Variants in PDXDC1 observed in about 807,000 individuals in gnomAD.
The protein encoded by PDXDC1 is pyridoxal dependent decarboxylase domain containing 1.
PDXDC1 carries 42 observed loss-of-function variants against 100.1 expected under a neutral mutation model. That is an observed-to-expected ratio of 0.42 (90% CI 0.33 to 0.54). The LOEUF (loss-of-function observed/expected upper bound fraction) is 0.54, where lower values mean the gene tolerates loss of function less well. Ranked by LOEUF, PDXDC1 falls within the 20% of genes least tolerant of loss-of-function variation. PDXDC1 has a pLI of 0.10. For synonymous variants in PDXDC1, 260 were observed against 371.7 expected, an observed-to-expected ratio of 0.70 and a Z score of 3.46; for missense variants, 636 against 979.2, an observed-to-expected ratio of 0.65 and a Z score of 4.68.
intron 16 of PDXDC1, chr16:15,133,015 C>T (rs2048183071): frequency 7.7e-7 from 1 of 1,304,712 alleles, no homozygotes; most frequent in South Asian, 1.3e-5. Context: ...TGAGCTGTTT[C>T]TTCATGGGCA....
intron 16 of PDXDC1, among the ~76,000 whole-genome samples, chr16:15,065,052 G>C (rs534463758): frequency 1.3e-5 from 2 of 152,092 alleles, no homozygotes; most frequent in Non-Finnish European, 2.9e-5. Context: ...TGTAGTCCCA[G>C]CTACTCGGGA....
At chr16:15,083,648 A>G in intron 16 of PDXDC1, 2 of 1,570,320 alleles carry the variant, frequency 1.3e-6, no homozygotes, top group East Asian at 4.5e-5. Context: ...AAAAAGGAAA[A>G]CTACCATTCT....
chr16:15,073,801 T>A (rs76759119), intron 16 of PDXDC1, among the ~76,000 whole-genome samples: 1,781 of 152,260 alleles, frequency 0.012, 17 homozygotes, highest in Middle Eastern at 0.048. Context: ...CTTTTTTTTT[T>A]AGAGATGGGG....
chr16:15,029,037 G>A, intron 15 of PDXDC1, 71 bp downstream of exon 15: 1 of 1,527,000 alleles, frequency 6.5e-7, no homozygotes, highest in Non-Finnish European at 8.9e-7. Flanking sequence ...TGGTGAGGGT[G>A]ACGCGTGCTC....
intron 12 of PDXDC1, among the ~76,000 whole-genome samples, chr16:15,019,268 A>C (rs1340573018): frequency 6.6e-6 from 1 of 152,226 alleles, no homozygotes; most frequent in South Asian, 2.1e-4. Flanking sequence ...CAAAAGGTGG[A>C]GGGGTGGGGA....
In PDXDC1 at chr16:15,063,109, C is replaced by A. The variant is rs1597865596; in HGVS notation, c.1399+33053C>A. The A allele has an allele frequency of 4.0e-6, 4 of 994,856 alleles. No homozygotes were observed. The East Asian group carries it at 9.5e-5, about 24-fold the overall frequency. The allele number at this position is 994,856 out of a possible 1,614,324, so 61.6% of individuals were successfully genotyped here. On this transcript the variant is annotated intron_variant, in intron 16 of 16. Coordinates refer to the PDXDC1 transcript ENST00000535621. Reference sequence around the variant, plus strand: ...CCCCCTAAAGTGCGGGGATTACACGCACGAACGACTTGCCACTTACTATCT... The same window carrying A: ...CCCCCTAAAGTGCGGGGATTACACGAACGAACGACTTGCCACTTACTATCT...
intron 16 of PDXDC1, among the ~76,000 whole-genome samples, chr16:15,096,299 G>C (rs1229883071): frequency 1.3e-5 from 2 of 152,028 alleles, no homozygotes; most frequent in Non-Finnish European, 2.9e-5. Flanking sequence ...AGTAGAGACA[G>C]GGTTTCACCA....
intron 16 of PDXDC1, chr16:15,085,612 C>T: frequency 6.2e-7 from 1 of 1,606,642 alleles, no homozygotes; most frequent in Non-Finnish European, 8.5e-7. Context: ...GCTACTGTGC[C>T]CAGGCTTTAA....
At chr16:15,089,808 A>C (rs1239934954) in intron 16 of PDXDC1, among the ~76,000 whole-genome samples, 1 of 145,024 alleles carries the variant, frequency 6.9e-6, no homozygotes, top group African/African-American at 2.5e-5. Flanking sequence ...AAAAAAAAAA[A>C]AAACAGATTA....
intron 13 of PDXDC1, chr16:15,025,231 C>T (rs1356022564): frequency 2.0e-5 from 3 of 152,386 alleles, no homozygotes; most frequent in African/African-American, 4.8e-5. Context: ...TTCTTACACA[C>T]ATTGACATTT....
chr16:15,104,433 A>G, intron 16 of PDXDC1: 4 of 1,383,432 alleles, frequency 2.9e-6, no homozygotes, highest in Non-Finnish European at 3.8e-6. Flanking sequence ...TCATCCGCTG[A>G]GGGTGGAGCT....
chr16:15,038,475 A>AG, downstream of PDXDC1: 1 of 719,784 alleles, frequency 1.4e-6, no homozygotes, highest in Non-Finnish European at 2.4e-6. Flanking sequence ...TACCCGCCAA[A>AG]GGGAAAGCAG....
intron 16 of PDXDC1, among the ~76,000 whole-genome samples, chr16:15,111,124 TCACACACACACA>T (rs200365846): frequency 1.8e-4 from 25 of 139,128 alleles, no homozygotes; most frequent in East Asian, 6.3e-4. Context: ...TGAGACTCTG[TCACACACACACA>T]CACACACACA....
intron 16 of PDXDC1, chr16:15,060,218 G>A (rs75342816): frequency 0.01 from 3,733 of 369,018 alleles, 29 homozygotes; most frequent in Admixed American, 0.014. Flanking sequence ...TAATTTCTGG[G>A]GAATTTCGTT....
chr16:14,995,561 T>C (rs1473830589), intron 1 of PDXDC1, among the ~76,000 whole-genome samples: 1 of 152,288 alleles, frequency 6.6e-6, no homozygotes, highest in African/African-American at 2.4e-5. Flanking sequence ...TATTGAGGAT[T>C]TTTGCATCGA....
intron 16 of PDXDC1, among the ~76,000 whole-genome samples, chr16:15,111,090 T>C (rs2047032627): frequency 6.8e-6 from 1 of 147,200 alleles, no homozygotes; most frequent in African/African-American, 2.5e-5. Context: ...ATCACACCAC[T>C]GCACTCCAGC....
At chr16:14,989,243 C>T (rs1384157209) in intron 1 of PDXDC1, 1 of 1,614,052 alleles carries the variant, frequency 6.2e-7, no homozygotes, top group Non-Finnish European at 8.5e-7. Flanking sequence ...CCTTGAGCTC[C>T]TTGGCTGCTT....
intron 16 of PDXDC1, chr16:15,137,461 G>A (rs1310399252): frequency 1.8e-6 from 2 of 1,117,338 alleles, no homozygotes; most frequent in African/African-American, 3.1e-5. Context: ...GCTGAAGCAG[G>A]CCTTCGTGGG....
intron 16 of PDXDC1, among the ~76,000 whole-genome samples, chr16:15,101,880 G>C (rs1487627938): frequency 1.3e-5 from 2 of 151,716 alleles, no homozygotes; most frequent in East Asian, 2.0e-4. Context: ...ACAGAGTCTT[G>C]CTCTGTTGCT....
Sources: allele counts gnomAD v4.1 joint callset (sites outside exome capture counted in the v4.1 genomes callset), GRCh38; gene constraint gnomAD v4.1.1; transcripts MANE v1.5; gene names NCBI Gene and HGNC (gene_info 2026-07-23, HGNC 2026-07-21).